The following CNTN4 variants were observed in gnomAD, a reference collection of about 807,000 sequenced individuals.
CNTN4 encodes the protein contactin-4.
CNTN4 carries 77 observed loss-of-function variants against 122.5 expected under a neutral mutation model. That is an observed-to-expected ratio of 0.63 (90% confidence interval 0.52 to 0.76). The LOEUF (loss-of-function observed/expected upper bound fraction) is 0.76. Among genes scored for constraint, CNTN4 ranks in the 30% least tolerant of loss-of-function variants. CNTN4 has a pLI of 0.00. For missense variants in CNTN4, 1,256 were observed against 1,259.1 expected, an observed-to-expected ratio of 1.00 and a Z score of 0.04; for synonymous variants, 512 against 447.0, an observed-to-expected ratio of 1.15 and a Z score of -1.83.
At chr3:2,699,467 T>C (rs1394336688) in intron 4 of CNTN4, among the ~76,000 whole-genome samples, 3 of 152,166 alleles carry the variant, frequency 2.0e-5, no homozygotes, top group Admixed American at 6.5e-5. Context: ...CACTTGAACT[T>C]GTAAAAGTCA....
At chr3:2,931,632 A>C (rs1226142425) in intron 13 of CNTN4, among the ~76,000 whole-genome samples, 1 of 151,900 alleles carries the variant, frequency 6.6e-6, no homozygotes, top group African/African-American at 2.4e-5. Flanking sequence ...TTGTTTATTT[A>C]TTTATTATTT....
intron 2 of CNTN4, among the ~76,000 whole-genome samples, chr3:2,255,480 A>G (rs1302834934): frequency 6.6e-6 from 1 of 152,194 alleles, no homozygotes; most frequent in African/African-American, 2.4e-5. Flanking sequence ...CACAGAATAT[A>G]CATTTTTCTC....
chr3:2,598,307 G>C (rs1050443796), intron 4 of CNTN4, among the ~76,000 whole-genome samples: 5 of 152,158 alleles, frequency 3.3e-5, no homozygotes, highest in Non-Finnish European at 7.3e-5. Context: ...AGTGGTATTA[G>C]CAAGTACAAT....
At chr3:2,539,442 A>G (rs754179927) in intron 3 of CNTN4, among the ~76,000 whole-genome samples, 6 of 151,986 alleles carry the variant, frequency 3.9e-5, no homozygotes, top group Non-Finnish European at 2.9e-5. Flanking sequence ...AACAAATAAG[A>G]TTTTTCTTAG....
intron 10 of CNTN4, among the ~76,000 whole-genome samples, chr3:2,888,222 G>C (rs993631096): frequency 6.6e-5 from 10 of 152,102 alleles, no homozygotes; most frequent in Admixed American, 6.5e-4. Flanking sequence ...CTTGGCTAAG[G>C]GGGGGCCCAG....
At chr3:2,853,810 T>C (rs1280657041) in intron 7 of CNTN4, among the ~76,000 whole-genome samples, 1 of 52,206 alleles carries the variant, frequency 1.9e-5, no homozygotes, top group African/African-American at 6.3e-5. Flanking sequence ...ATTGGCTGAT[T>C]TAAGTCATGT....
intron 3 of CNTN4, chr3:2,362,242 T>C (rs1230670000): frequency 1.1e-5 from 2 of 182,688 alleles, no homozygotes; most frequent in Admixed American, 5.9e-5. Flanking sequence ...AAGGAGTTTA[T>C]CCCAGCTCTG....
chr3:2,163,559 T>C (rs1251481612), intron 2 of CNTN4, among the ~76,000 whole-genome samples: 3 of 151,506 alleles, frequency 2.0e-5, no homozygotes, highest in Non-Finnish European at 2.9e-5. Flanking sequence ...AGCAAGTAAA[T>C]AGACAACCCG....
chr3:2,494,004 A>G (rs1387723311), intron 3 of CNTN4, among the ~76,000 whole-genome samples: 1 of 151,866 alleles, frequency 6.6e-6, no homozygotes. Context: ...GAACTGTTAT[A>G]CCAGTCCTGG....
intron 2 of CNTN4, among the ~76,000 whole-genome samples, chr3:2,283,939 G>T (rs1451490026): frequency 6.6e-6 from 1 of 152,030 alleles, no homozygotes; most frequent in African/African-American, 2.4e-5. Flanking sequence ...TCTGATGCTT[G>T]TGTGCTCTCT....
chr3:2,376,427 A>G (rs903126178), intron 3 of CNTN4, among the ~76,000 whole-genome samples: 13 of 152,180 alleles, frequency 8.5e-5, no homozygotes, highest in African/African-American at 2.4e-4. Flanking sequence ...CAGAAGGTGG[A>G]TGACTTTTCC....
intron 3 of CNTN4, among the ~76,000 whole-genome samples, chr3:2,558,497 G>A (rs2078815319): frequency 6.6e-6 from 1 of 151,816 alleles, no homozygotes; most frequent in Non-Finnish European, 1.5e-5. Flanking sequence ...TTGATGTCAT[G>A]CATTGTTGGC....
intron 2 of CNTN4, among the ~76,000 whole-genome samples, chr3:2,307,292 G>A (rs569592846): frequency 6.6e-5 from 10 of 152,170 alleles, no homozygotes; most frequent in South Asian, 4.2e-4. Context: ...AAATGTAGCC[G>A]GGCGTGGTGG....
chr3:2,290,688 T>C (rs2042101506), intron 2 of CNTN4, among the ~76,000 whole-genome samples: 1 of 152,178 alleles, frequency 6.6e-6, no homozygotes. Context: ...TAAAGATTTG[T>C]GTATTGTTGC....
At chr3:2,604,232 A>T (rs2081166098) in intron 4 of CNTN4, among the ~76,000 whole-genome samples, 1 of 152,150 alleles carries the variant, frequency 6.6e-6, no homozygotes, top group Non-Finnish European at 1.5e-5. Flanking sequence ...GAGCTTCATT[A>T]TGCTAATCTG....
chr3:3,005,421 T>C (rs1428645639), intron 14 of CNTN4, among the ~76,000 whole-genome samples: 1 of 152,250 alleles, frequency 6.6e-6, no homozygotes, highest in African/African-American at 2.4e-5. Flanking sequence ...CTTAGAAATC[T>C]CTTCAGCTAA....
intron 2 of CNTN4, among the ~76,000 whole-genome samples, chr3:2,187,867 G>C (rs1295547155): frequency 6.6e-6 from 1 of 152,066 alleles, no homozygotes; most frequent in Non-Finnish European, 1.5e-5. Flanking sequence ...GTAGGGAAAG[G>C]TGGCATGGTA....
At chr3:2,234,015 C>T (rs1376113533) in intron 2 of CNTN4, among the ~76,000 whole-genome samples, 1 of 152,050 alleles carries the variant, frequency 6.6e-6, no homozygotes, top group East Asian at 1.9e-4. Flanking sequence ...ATTCCTTTCT[C>T]TGTTAGGTAT....
chr3:2,605,245 C>T (rs1005070465), intron 4 of CNTN4, among the ~76,000 whole-genome samples: 5 of 152,068 alleles, frequency 3.3e-5, no homozygotes, highest in African/African-American at 4.8e-5. Context: ...AAAGTGTTCC[C>T]GAGTTGGGAT....
Sources: allele counts gnomAD v4.1 joint callset (sites outside exome capture counted in the v4.1 genomes callset), GRCh38; gene constraint gnomAD v4.1.1; transcripts MANE v1.5; gene names NCBI Gene and HGNC (gene_info 2026-07-23, HGNC 2026-07-21).